The following FOXP1 variants were observed in gnomAD, a reference collection of about 807,000 sequenced individuals.
FOXP1 encodes forkhead box protein P1.
FOXP1 carries 15 observed loss-of-function variants against 98.2 expected under a neutral mutation model. The observed-to-expected ratio is 0.15, with a 90% confidence interval of 0.10 to 0.24. The LOEUF (loss-of-function observed/expected upper bound fraction) is 0.24. Ranked by LOEUF, FOXP1 falls within the 10% of genes least tolerant of loss-of-function variation. The pLI, the probability that FOXP1 is intolerant of heterozygous loss-of-function variation, is 1.00. For synonymous variants in FOXP1, 371 were observed against 314.5 expected, an observed-to-expected ratio of 1.18 and a Z score of -1.90; for missense variants, 633 against 848.5, an observed-to-expected ratio of 0.75 and a Z score of 3.15.
chr3:71,159,847 A>G (rs1366563248), intron 6 of FOXP1, among the ~76,000 whole-genome samples: 1 of 152,224 alleles, frequency 6.6e-6, no homozygotes, highest in African/African-American at 2.4e-5. Context: ...ATTTTTTATG[A>G]CAATAAACAT....
Position 71,515,193 on chromosome 3 carries a change from C to T in FOXP1, c.-297-21638G>A, listed in dbSNP as rs1325402372. Among the ~76,000 whole-genome samples the T allele has an allele frequency of 2.6e-5, 4 of 152,068 alleles. No homozygotes were observed. The East Asian group carries it at 7.7e-4, about 29-fold the overall frequency. ...CAGGCCTTTCTGTTGAATATATAAC[C>T]ATGGCTATAGTATTCATGCCATCTA... On this transcript the variant is annotated intron_variant, in intron 2 of 20. Coordinates refer to ENST00000649528, the MANE Select transcript of FOXP1 (RefSeq NM_001349338.3).
chr3:71,306,254 A>C (rs1482060144), intron 4 of FOXP1, among the ~76,000 whole-genome samples: 1 of 152,162 alleles, frequency 6.6e-6, no homozygotes, highest in Non-Finnish European at 1.5e-5. Context: ...TATAATAACA[A>C]TTAAAATGAA....
chr3:71,012,402 G>T (rs943891150), intron 12 of FOXP1, among the ~76,000 whole-genome samples: 1 of 152,180 alleles, frequency 6.6e-6, no homozygotes, highest in African/African-American at 2.4e-5. Context: ...TCACTACTCT[G>T]AATGATAATA....
chr3:71,020,055 T>C (rs1477947750), intron 11 of FOXP1, among the ~76,000 whole-genome samples: 1 of 152,180 alleles, frequency 6.6e-6, no homozygotes, highest in Admixed American at 6.5e-5. Flanking sequence ...GTTATGACAC[T>C]TTCTATTATT....
chr3:71,536,828 C>A (rs571672546), intron 2 of FOXP1, among the ~76,000 whole-genome samples: 1 of 152,108 alleles, frequency 6.6e-6, no homozygotes, highest in Non-Finnish European at 1.5e-5. Flanking sequence ...GGTTCTCCCA[C>A]CCCCACAGAG....
chr3:71,174,785 T>TACACACACACACAC (rs3064896), intron 6 of FOXP1, among the ~76,000 whole-genome samples: 1,708 of 131,718 alleles, frequency 0.013, 24 homozygotes, highest in Non-Finnish European at 0.016. Context: ...TGCACATGCA[T>TACACACACACACAC]ACACACACAC....
intron 6 of FOXP1, among the ~76,000 whole-genome samples, chr3:71,114,025 G>A (rs2058161991): frequency 6.6e-6 from 1 of 152,134 alleles, no homozygotes; most frequent in South Asian, 2.1e-4. Flanking sequence ...TGTGCTTAGA[G>A]TTTAGACACA....
intron 6 of FOXP1, among the ~76,000 whole-genome samples, chr3:71,133,316 T>C (rs1175480188): frequency 6.6e-6 from 1 of 152,198 alleles, no homozygotes; most frequent in Non-Finnish European, 1.5e-5. Flanking sequence ...TGATATGTCA[T>C]TTAAAAACCT....
chr3:71,416,146 A>C (rs926023906), intron 3 of FOXP1, among the ~76,000 whole-genome samples: 2 of 152,220 alleles, frequency 1.3e-5, no homozygotes, highest in Non-Finnish European at 2.9e-5. Flanking sequence ...ACAGACATTA[A>C]TCAAAATAGA....
intron 7 of FOXP1, among the ~76,000 whole-genome samples, chr3:71,088,165 G>A (rs1032879268): frequency 1.3e-5 from 2 of 152,130 alleles, no homozygotes; most frequent in African/African-American, 4.8e-5. Context: ...GTTTCTGATT[G>A]GGGGCTCTTA....
intron 11 of FOXP1, among the ~76,000 whole-genome samples, chr3:71,033,248 T>C (rs1320231186): frequency 6.6e-6 from 1 of 152,118 alleles, no homozygotes; most frequent in Non-Finnish European, 1.5e-5. Context: ...AAAAAGAATG[T>C]CTACCTTACA....
intron 2 of FOXP1, chr3:71,573,702 A>T (rs1339045520): frequency 6.6e-6 from 1 of 152,154 alleles, no homozygotes; most frequent in Admixed American, 6.5e-5. Flanking sequence ...CTAATAGACC[A>T]TTTTCTCCAA....
chr3:70,958,618 G>GGTATA lies in FOXP1; in HGVS notation c.*624_*628dup, dbSNP rs2032425262. On this transcript the variant is annotated 3_prime_UTR_variant, in exon 21 of 21. Coordinates refer to ENST00000649528, the MANE Select transcript of FOXP1 (RefSeq NM_001349338.3). ...GAGGCCTGAGGTCAGAACTTAAAAT[G>GGTATA]GTATAGTAGAAGGAAAAAAAAAAAA... The GGTATA allele has an allele frequency of 4.9e-6, 1 of 203,686 alleles. No individual in the cohort carries two copies. Among genetic ancestry groups the GGTATA allele is most frequent in the African/African-American group, 2.6e-5 (1 of 38,080 alleles). The allele number at this position is 203,686 out of a possible 1,614,324, so 12.6% of individuals were successfully genotyped here.
At chr3:71,494,917 G>C (rs1009592255) in intron 2 of FOXP1, among the ~76,000 whole-genome samples, 60 of 99,012 alleles carry the variant, frequency 6.1e-4, no homozygotes, top group African/African-American at 2.1e-3. Context: ...ATGTCACATA[G>C]AAAAAAAAAA....
intron 14 of FOXP1, among the ~76,000 whole-genome samples, chr3:70,985,902 C>T (rs1290188955): frequency 6.6e-6 from 1 of 152,186 alleles, no homozygotes; most frequent in African/African-American, 2.4e-5. Context: ...CGATATTGGA[C>T]TTCTTTGCAA....
rs1305443583 is a variant in FOXP1, at chr3:71,326,310, A to G, written c.-72-26430T>C. 2.0e-5 allele frequency among the ~76,000 whole-genome samples: 3 copies of G among 152,248 alleles called. 1 individual carries two copies. Among genetic ancestry groups the G allele is most frequent in the Non-Finnish European group, 1.5e-5 (1 of 68,042 alleles). ...TCTGCATTTGGAAGAGTTGTCCTGT[A>G]CATACCCAATGGGGACTCAATGGGC... On this transcript the variant is annotated intron_variant, in intron 4 of 20. Transcript: ENST00000649528.
At chr3:71,170,074 GA>G (rs2061574944) in intron 6 of FOXP1, among the ~76,000 whole-genome samples, 2 of 152,154 alleles carry the variant, frequency 1.3e-5, no homozygotes, top group South Asian at 4.1e-4. Flanking sequence ...TGCTTAATGA[GA>G]GGAGAACTGG....
intron 5 of FOXP1, among the ~76,000 whole-genome samples, chr3:71,277,687 G>T (rs116353772): frequency 6.6e-6 from 1 of 151,806 alleles, no homozygotes; most frequent in African/African-American, 2.4e-5. Context: ...TTGCTGCTTC[G>T]ACATTGAATT....
At chr3:71,132,703 A>G (rs2059631498) in intron 6 of FOXP1, among the ~76,000 whole-genome samples, 1 of 152,190 alleles carries the variant, frequency 6.6e-6, no homozygotes, top group Non-Finnish European at 1.5e-5. Flanking sequence ...TGCATAATAA[A>G]CCAACATTAA....
Sources: allele counts gnomAD v4.1 joint callset (sites outside exome capture counted in the v4.1 genomes callset), GRCh38; gene constraint gnomAD v4.1.1; transcripts MANE v1.5; gene names NCBI Gene and HGNC (gene_info 2026-07-23, HGNC 2026-07-21).